Variants in ADAMTS19 observed in about 807,000 individuals in gnomAD.
ADAMTS19 encodes A disintegrin and metalloproteinase with thrombospondin motifs 19.
In ADAMTS19, 93 loss-of-function variants were observed where a neutral mutation model predicts 153.3. The ratio of observed to expected loss-of-function variants is 0.61; its 90% CI spans 0.51 to 0.72. The LOEUF (loss-of-function observed/expected upper bound fraction) is 0.72. Among genes scored for constraint, ADAMTS19 ranks in the 30% least tolerant of loss-of-function variants. The pLI, the probability that ADAMTS19 is intolerant of heterozygous loss-of-function variation, is 0.00. For synonymous variants in ADAMTS19, 600 were observed against 556.6 expected (o/e 1.08, Z -1.10); for missense variants, 1,482 against 1,552.1 (o/e 0.95, Z 0.76).
At chr5:129,546,137 CA>C (rs1222432802) in intron 6 of ADAMTS19, among the ~76,000 whole-genome samples, 2 of 145,666 alleles carry the variant, frequency 1.4e-5, no homozygotes, top group Non-Finnish European at 1.5e-5. Context: ...ATCGCAAGAA[CA>C]AAAAACCAAA....
intron 11 of ADAMTS19, among the ~76,000 whole-genome samples, chr5:129,643,383 A>AAAAAAAAAAAAAAAAG (rs1561622465): frequency 6.5e-5 from 7 of 108,338 alleles, no homozygotes; most frequent in African/African-American, 1.1e-4. Flanking sequence ...AAAAAAAAAA[A>AAAAAAAAAAAAAAAAG]AAAGAAAAAA....
chr5:129,541,882 A>G (rs6885164), intron 6 of ADAMTS19, among the ~76,000 whole-genome samples: 67,733 of 151,940 alleles, frequency 0.45, 16,526 homozygotes, highest in African/African-American at 0.65. Flanking sequence ...ACCAGGCGTG[A>G]TGTTCTCATA....
intron 1 of ADAMTS19, among the ~76,000 whole-genome samples, chr5:129,460,883 C>T (rs945478806): frequency 6.6e-6 from 1 of 151,498 alleles, no homozygotes; most frequent in African/African-American, 2.4e-5. Flanking sequence ...GATTCCCCCT[C>T]CCCCGCCCCT....
intron 2 of ADAMTS19, among the ~76,000 whole-genome samples, chr5:129,489,992 G>T (rs183526648): frequency 7.2e-5 from 11 of 152,174 alleles, no homozygotes; most frequent in African/African-American, 2.4e-4. Flanking sequence ...TACCTATTAG[G>T]TACTTTGGAA....
At chr5:129,616,346 T>C (rs184685262) in intron 8 of ADAMTS19, among the ~76,000 whole-genome samples, 12 of 152,162 alleles carry the variant, frequency 7.9e-5, no homozygotes, top group Middle Eastern at 3.4e-3. Flanking sequence ...TGTTTCCACA[T>C]AATATATGGC....
intron 11 of ADAMTS19, 56 bp downstream of exon 11, chr5:129,642,016 C>CTTGCA: frequency 9.2e-7 from 1 of 1,083,776 alleles, no homozygotes; most frequent in South Asian, 1.7e-5. Flanking sequence ...ACTTGAGAAT[C>CTTGCA]TTGCATTTTC....
At chr5:129,692,640 G>A (rs1755385732) in intron 18 of ADAMTS19, among the ~76,000 whole-genome samples, 1 of 152,180 alleles carries the variant, frequency 6.6e-6, no homozygotes, top group African/African-American at 2.4e-5. Context: ...AAAGTCTTCA[G>A]CCAAGGGGAC....
chr5:129,461,113 G>T lies in ADAMTS19; in HGVS notation c.103G>T (p.Ala35Ser). 1 of 1,416,274 alleles carries T rather than the reference G, an allele frequency of 7.1e-7. No homozygotes were observed. Among genetic ancestry groups the T allele is most frequent in the Non-Finnish European group, 9.2e-7 (1 of 1,083,910 alleles). The allele number at this position is 1,416,274 out of a possible 1,614,324, so 87.7% of individuals were successfully genotyped here. A position where few individuals can be genotyped will look rare whatever the true frequency, so the allele number is the denominator to read the frequency against. The change falls in exon 2 of 23, where the codon GCC becomes TCC. Residue 35 changes from alanine to serine, a missense_variant. This residue lies in a region of ADAMTS19 where 866 missense variants were observed against 827.7 expected (regional missense o/e 1.05). Coordinates refer to ENST00000274487, the MANE Select transcript of ADAMTS19 (RefSeq NM_133638.6). This position sits in a 1 kb window ranked among gnomAD's most constrained non-coding sequence, Gnocchi z 4.6. ...TGCCCCGCCCGCAGAGCTGCAGTTC[G>T]CCCCCGACCGCGAGGAGTGGGAAGT... ...SNGIVSELQF[A>S]PDREEWEVVF...
intron 8 of ADAMTS19, among the ~76,000 whole-genome samples, chr5:129,616,998 C>T (rs976098296): frequency 2.0e-5 from 3 of 152,018 alleles, no homozygotes; most frequent in Admixed American, 2.0e-4. Context: ...CCATTAACCT[C>T]AGCACCTTCC....
At chr5:129,722,070 G>A (rs1202480229) in intron 21 of ADAMTS19, among the ~76,000 whole-genome samples, 1 of 152,126 alleles carries the variant, frequency 6.6e-6, no homozygotes, top group African/African-American at 2.4e-5. Context: ...ATATGTGTGT[G>A]TGTATCTTTA....
At chr5:129,502,858 T>G (rs576915707) in intron 2 of ADAMTS19, among the ~76,000 whole-genome samples, 143 of 152,288 alleles carry the variant, frequency 9.4e-4, no homozygotes, top group African/African-American at 3.4e-3. Context: ...AAGTAGCTCA[T>G]GGTCTAATCA....
intron 15 of ADAMTS19, among the ~76,000 whole-genome samples, chr5:129,664,392 G>GA (rs1338576898): frequency 1.3e-5 from 2 of 152,072 alleles, no homozygotes; most frequent in East Asian, 1.9e-4. Context: ...TTGGTCATGT[G>GA]AAAAAATGAC....
At chr5:129,697,960 G>C (rs548849356) in intron 19 of ADAMTS19, among the ~76,000 whole-genome samples, 1 of 152,304 alleles carries the variant, frequency 6.6e-6, no homozygotes, top group South Asian at 2.1e-4. Context: ...CTGGATTTGA[G>C]GATTAGAGCA....
At chr5:129,674,188 A>G in intron 16 of ADAMTS19, among the ~76,000 whole-genome samples, 1 of 151,934 alleles carries the variant, frequency 6.6e-6, no homozygotes, top group East Asian at 1.9e-4. Context: ...CTGAGATCAC[A>G]CTATTGCACT....
intron 3 of ADAMTS19, among the ~76,000 whole-genome samples, chr5:129,517,544 T>G (rs1404752885): frequency 6.6e-6 from 1 of 152,030 alleles, no homozygotes; most frequent in Non-Finnish European, 1.5e-5. Context: ...ATAGTGACCT[T>G]CTTTGTCCCT....
intron 21 of ADAMTS19, among the ~76,000 whole-genome samples, chr5:129,708,675 A>G (rs1211159103): frequency 1.3e-5 from 2 of 151,108 alleles, no homozygotes; most frequent in Non-Finnish European, 3.0e-5. Flanking sequence ...TTATAGAGTT[A>G]ACCCTTTCAT....
At chr5:129,723,848 C>T (rs962469643) in intron 21 of ADAMTS19, among the ~76,000 whole-genome samples, 3 of 152,156 alleles carry the variant, frequency 2.0e-5, no homozygotes, top group African/African-American at 7.2e-5. Flanking sequence ...AAACGTAAGA[C>T]ACCAATCAAT....
chr5:129,622,977 G>A (rs1168552052), intron 10 of ADAMTS19, among the ~76,000 whole-genome samples: 1 of 151,906 alleles, frequency 6.6e-6, no homozygotes, highest in Non-Finnish European at 1.5e-5. Flanking sequence ...AGGGCCAACT[G>A]TATTTTCTTA....
rs186946192 is a variant in ADAMTS19, at chr5:129,610,209, G to A, written c.1479-10409G>A. On this transcript the variant is annotated intron_variant, in intron 8 of 22. Transcript: ENST00000274487. ...GAAGTTAAAGATAATGATAAATATGGGCTATAATTTATTGAATAATCCTTT... is the reference window on the plus strand; with the variant it reads ...GAAGTTAAAGATAATGATAAATATGAGCTATAATTTATTGAATAATCCTTT... Among the ~76,000 whole-genome samples the A allele has an allele frequency of 2.0e-3, 303 of 151,912 alleles. 1 individual carries two copies. Among genetic ancestry groups the A allele is most frequent in the Admixed American group, 4.1e-3 (62 of 15,230 alleles).
Sources: gnomAD v4.1 joint callset for allele counts (sites outside exome capture counted in the v4.1 genomes callset) on GRCh38, gnomAD v4.1.1 for gene constraint, gnomAD v4.1.1 regional missense constraint, Gnocchi (gnomAD v3.1) non-coding constraint, MANE v1.5 for transcripts, NCBI Gene and HGNC (gene_info 2026-07-23, HGNC 2026-07-21) for gene names.